XIRP2: variants seen among roughly 807,000 people sequenced by gnomAD.
XIRP2 encodes the protein xin actin-binding repeat-containing protein 2.
Under a neutral mutation model 277.0 loss-of-function variants are expected in XIRP2, and 236 were observed. The observed-to-expected ratio is 0.85, with a 90% CI of 0.77 to 0.95. The LOEUF (loss-of-function observed/expected upper bound fraction) is 0.95, where lower values mean the gene tolerates loss of function less well. Ranked by LOEUF, XIRP2 falls within the 40% of genes least tolerant of loss-of-function variation. XIRP2 has a pLI of 0.00. For synonymous variants in XIRP2, 1,490 were observed against 1,416.5 expected, an observed-to-expected ratio of 1.05 and a Z score of -1.17; for missense variants, 4,640 against 4,157.5, an observed-to-expected ratio of 1.12 and a Z score of -3.19.
chr2:167,258,687 C>T lies in XIRP2; in HGVS notation c.*870C>T, dbSNP rs376698155. 62 of 1,612,470 alleles carry T rather than the reference C, an allele frequency of 3.8e-5. No homozygotes were observed. In the African/African-American group the frequency reaches 7.6e-4, roughly 20 times the overall value. Reference sequence around the variant, plus strand: ...AAGAATAATAATAACAATTATGTAGCAGTCTCATATCTGAATAATTGCAGG... The same window carrying T: ...AAGAATAATAATAACAATTATGTAGTAGTCTCATATCTGAATAATTGCAGG... On this transcript the variant is annotated 3_prime_UTR_variant, in exon 11 of 11. Transcript: ENST00000409195.
intron 2 of XIRP2, among the ~76,000 whole-genome samples, chr2:166,904,969 C>T (rs1684480283): frequency 6.6e-6 from 1 of 151,902 alleles, no homozygotes. Context: ...GTAAGCCATC[C>T]TTCTTGAAAA....
chr2:167,022,465 A>G (rs1190778395), intron 2 of XIRP2, among the ~76,000 whole-genome samples: 1 of 152,142 alleles, frequency 6.6e-6, no homozygotes, highest in Non-Finnish European at 1.5e-5. Flanking sequence ...TATTATTATT[A>G]TACTTTAAGT....
At chr2:167,187,059 A>G (rs1412395098) in intron 3 of XIRP2, among the ~76,000 whole-genome samples, 1 of 152,174 alleles carries the variant, frequency 6.6e-6, no homozygotes, top group Non-Finnish European at 1.5e-5. Flanking sequence ...ATTAAAACAA[A>G]TGCAAGTAAT....
At chr2:167,083,840 G>C (rs1163000768) in intron 2 of XIRP2, among the ~76,000 whole-genome samples, 1 of 152,006 alleles carries the variant, frequency 6.6e-6, no homozygotes, top group Non-Finnish European at 1.5e-5. Context: ...GAGATTTTGG[G>C]CTGAGACAAT....
chr2:167,014,492 A>G (rs550746146), intron 2 of XIRP2, among the ~76,000 whole-genome samples: 1 of 151,850 alleles, frequency 6.6e-6, no homozygotes, highest in Admixed American at 6.6e-5. Flanking sequence ...TTGTGTTTTA[A>G]AAATCTGTAA....
Position 167,240,625 on chromosome 2 carries a change from C to A in XIRP2, c.970-39C>A, listed in dbSNP as rs1695035830. ...TTTGTAGTACTAAAATAATTGACTT[C>A]TTAAAAACAATTTATTTTCAAATTC... is the stretch of plus-strand genomic sequence containing the variant. On this transcript the variant is annotated intron_variant, in intron 6 of 10. Transcript: ENST00000409195. 1.9e-6 allele frequency: 3 copies of A among 1,582,196 alleles called. No homozygotes were observed. The African/African-American group carries it at 4.1e-5, about 21-fold the overall frequency.
chr2:166,918,368 A>T (rs1330335591), intron 2 of XIRP2, among the ~76,000 whole-genome samples: 1 of 152,028 alleles, frequency 6.6e-6, no homozygotes, highest in Non-Finnish European at 1.5e-5. Context: ...CTATTTATTC[A>T]TCCTTCTAAA....
At chr2:166,890,444 A>T (rs1684073281) in intron 1 of XIRP2, among the ~76,000 whole-genome samples, 1 of 152,162 alleles carries the variant, frequency 6.6e-6, no homozygotes, top group South Asian at 2.1e-4. Context: ...CTGCAGTGCT[A>T]AGGACATCTC....
chr2:167,135,937 C>A lies in XIRP2; in HGVS notation c.437C>A (p.Ser146Ter), dbSNP rs1360331676. ...GTGGAAATTGAGCGAAGTTTGTGCT[C>A]GCCAGCTTTTAAGAGTCACCCTGGG... ...KEVEIERSLC[S>*]PAFKSHPGSQ... The change falls in exon 3 of 11, where the codon TCG becomes TAG. Residue 146 changes from serine (S) to a stop codon, truncating the protein, a stop_gained. Coordinates refer to ENST00000409195, the MANE Select transcript of XIRP2 (RefSeq NM_152381.6). LOFTEE classifies it high-confidence loss of function. 1 of 1,602,628 alleles carries A rather than the reference C, an allele frequency of 6.2e-7. No homozygotes were observed. Among genetic ancestry groups the A allele is most frequent in the African/African-American group, 1.3e-5 (1 of 74,508 alleles).
At chr2:167,009,933 T>C (rs1458206970) in intron 2 of XIRP2, among the ~76,000 whole-genome samples, 5 of 152,134 alleles carry the variant, frequency 3.3e-5, no homozygotes, top group Non-Finnish European at 5.9e-5. Flanking sequence ...TCTTGTAAAT[T>C]TGTTTGAGTT....
intron 2 of XIRP2, among the ~76,000 whole-genome samples, chr2:166,919,410 T>G (rs568755004): frequency 6.6e-6 from 1 of 152,210 alleles, no homozygotes; most frequent in Non-Finnish European, 1.5e-5. Context: ...TTGGATGACA[T>G]GAGACAAATT....
chr2:167,035,893 C>T (rs1306840516), intron 2 of XIRP2, among the ~76,000 whole-genome samples: 1 of 152,162 alleles, frequency 6.6e-6, no homozygotes, highest in African/African-American at 2.4e-5. Flanking sequence ...GCCCTCTGTC[C>T]CAGCTGCTCC....
At chr2:167,186,291 T>C (rs1182050064) in intron 3 of XIRP2, among the ~76,000 whole-genome samples, 2 of 152,148 alleles carry the variant, frequency 1.3e-5, no homozygotes, top group Non-Finnish European at 2.9e-5. Context: ...GGAATATCAC[T>C]CCTTGACCTA....
At chr2:167,100,895 G>C (rs1249938261) in intron 2 of XIRP2, among the ~76,000 whole-genome samples, 1 of 152,156 alleles carries the variant, frequency 6.6e-6, no homozygotes, top group Non-Finnish European at 1.5e-5. Context: ...TAAAGCAGAA[G>C]TTTATTTTCT....
intron 2 of XIRP2, among the ~76,000 whole-genome samples, chr2:167,008,139 T>C (rs1196850830): frequency 6.6e-6 from 1 of 151,608 alleles, no homozygotes; most frequent in East Asian, 1.9e-4. Context: ...GGACATATGG[T>C]CAGAATTTTT....
chr2:167,045,045 GA>G (rs201572210), intron 2 of XIRP2, among the ~76,000 whole-genome samples: 4 of 151,098 alleles, frequency 2.6e-5, no homozygotes, highest in South Asian at 2.1e-4. Flanking sequence ...GGAAAAAAAA[GA>G]AAAAAACAGG....
At chr2:167,235,181 T>A (rs1293116711) in intron 5 of XIRP2, among the ~76,000 whole-genome samples, 3 of 151,832 alleles carry the variant, frequency 2.0e-5, no homozygotes, top group Non-Finnish European at 4.4e-5. Flanking sequence ...ACAGACTTCT[T>A]CTTGCTCTGA....
chr2:167,014,672 G>C (rs147659836), intron 2 of XIRP2, among the ~76,000 whole-genome samples: 95 of 151,874 alleles, frequency 6.3e-4, no homozygotes, highest in African/African-American at 2.1e-3. Context: ...TTAAAGCTGT[G>C]AAATGTTTTC....
At chr2:167,234,566 A>G (rs1049850662) in intron 5 of XIRP2, among the ~76,000 whole-genome samples, 5 of 151,774 alleles carry the variant, frequency 3.3e-5, no homozygotes, top group East Asian at 3.9e-4. Flanking sequence ...TTGTTTAAAA[A>G]TTTAGTGCTT....
Sources: allele counts gnomAD v4.1 joint callset (sites outside exome capture counted in the v4.1 genomes callset), GRCh38; gene constraint gnomAD v4.1.1; transcripts MANE v1.5; gene names NCBI Gene and HGNC (gene_info 2026-07-23, HGNC 2026-07-21).